The following ZNF292 variants were observed in gnomAD, a reference collection of about 807,000 sequenced individuals.
ZNF292 encodes 16 zinc-finger domain protein.
A neutral mutation model predicts 217.9 loss-of-function variants in ZNF292; 26 were observed. The observed-to-expected ratio is 0.12, with a 90% CI of 0.09 to 0.17. The LOEUF (loss-of-function observed/expected upper bound fraction) is 0.17. Among genes scored for constraint, ZNF292 ranks in the 10% least tolerant of loss-of-function variants. ZNF292 has a pLI of 1.00. For missense variants in ZNF292, 2,904 were observed against 3,175.2 expected, an observed-to-expected ratio of 0.91 and a Z score of 2.05; for synonymous variants, 1,257 against 1,124.1, an observed-to-expected ratio of 1.12 and a Z score of -2.37.
chr6:87,233,211 A>G (rs919414469), intron 4 of ZNF292, 114 bp from the exon 5 acceptor site: 1 of 746,202 alleles, frequency 1.3e-6, no homozygotes, highest in East Asian at 2.8e-5. Context: ...CAATAATAGA[A>G]AATTGAAAAA....
chr6:87,187,045 TTAA>T (rs1771684201), intron 1 of ZNF292, among the ~76,000 whole-genome samples: 1 of 152,218 alleles, frequency 6.6e-6, no homozygotes. Context: ...TTTTTAGTTA[TTAA>T]TATTATATGA....
At position 87,255,043 on chromosome 6, in the gene ZNF292, G is replaced by C; in HGVS notation, c.1414G>C (p.Glu472Gln). 1 of 1,613,678 alleles carries C rather than the reference G, an allele frequency of 6.2e-7. No individual in the cohort carries two copies. Among genetic ancestry groups the C allele is most frequent in the Non-Finnish European group, 8.5e-7 (1 of 1,179,824 alleles). The change falls in exon 8 of 8, where the codon GAA (glutamate) becomes CAA (glutamine). Residue 472 changes from glutamate (E) to glutamine (Q), a missense_variant. Coordinates refer to ENST00000369577, the MANE Select transcript of ZNF292 (RefSeq NM_015021.3). ...AGCATCCATTGTGTCTTCAATAGAT[G>C]AACTAAATGACAGTGAAGTATATGA... is the stretch of plus-strand genomic sequence containing the variant. ...EEASIVSSIDELNDSEVYEKV... is the reference protein window; with the variant it reads ...EEASIVSSIDQLNDSEVYEKV...
intron 1 of ZNF292, among the ~76,000 whole-genome samples, chr6:87,172,473 G>A (rs570723726): frequency 2.2e-4 from 34 of 152,274 alleles, no homozygotes; most frequent in Admixed American, 7.8e-4. Context: ...AGTGAGTGGC[G>A]TGGTTCATTA....
intron 1 of ZNF292, among the ~76,000 whole-genome samples, chr6:87,158,157 A>G (rs1043536966): frequency 9.2e-5 from 14 of 152,250 alleles, no homozygotes; most frequent in African/African-American, 3.4e-4. Context: ...TAATGAAACA[A>G]ATGCTGGATT....
intron 1 of ZNF292, among the ~76,000 whole-genome samples, chr6:87,161,649 C>G (rs567292154): frequency 6.6e-6 from 1 of 152,356 alleles, no homozygotes; most frequent in South Asian, 2.1e-4. Flanking sequence ...CTCCTGTGCT[C>G]AAGCAGTCCT....
rs575770269 is a variant in ZNF292, at chr6:87,233,191, G to A, written c.539-134G>A. On this transcript the variant is annotated intron_variant, in intron 4 of 7. Coordinates refer to ENST00000369577, the MANE Select transcript of ZNF292 (RefSeq NM_015021.3). The stretch of plus-strand genomic sequence containing the variant: ...TTATAAGGTCAAGTCTTTTGTGATA[G>A]CCTTACTAGCAATAATAGAAAATTG... 5.0e-5 allele frequency: 32 copies of A among 636,226 alleles called. No homozygotes were observed. In the South Asian group the frequency reaches 7.3e-4, roughly 14 times the overall value. 39.4% of individuals were successfully genotyped at this position (636,226 alleles called of 1,614,324 possible). A position where few individuals can be genotyped will look rare whatever the true frequency, so the allele number is the denominator to read the frequency against.
At chr6:87,168,627 G>T (rs1770991823) in intron 1 of ZNF292, among the ~76,000 whole-genome samples, 1 of 152,000 alleles carries the variant, frequency 6.6e-6, no homozygotes, top group Non-Finnish European at 1.5e-5. Flanking sequence ...GCACCTCTGT[G>T]CCTGGCTAAT....
At chr6:87,229,714 C>G (rs1427271174) in intron 4 of ZNF292, among the ~76,000 whole-genome samples, 1 of 152,164 alleles carries the variant, frequency 6.6e-6, no homozygotes, top group African/African-American at 2.4e-5. Flanking sequence ...GTGTGAGCCA[C>G]CGTGTCCAGC....
chr6:87,222,026 T>C (rs1232410588), intron 4 of ZNF292, among the ~76,000 whole-genome samples: 1 of 152,206 alleles, frequency 6.6e-6, no homozygotes, highest in Non-Finnish European at 1.5e-5. Flanking sequence ...CTTCTCAATC[T>C]ACGTTTGTAT....
chr6:87,231,936 C>A (rs778069967), intron 4 of ZNF292, among the ~76,000 whole-genome samples: 9 of 152,110 alleles, frequency 5.9e-5, no homozygotes, highest in South Asian at 4.1e-4. Flanking sequence ...TATTTAAAAT[C>A]TTTTGCTTTG....
At chr6:87,247,329 G>A (rs955861256) in intron 7 of ZNF292, among the ~76,000 whole-genome samples, 1 of 151,228 alleles carries the variant, frequency 6.6e-6, no homozygotes, top group Admixed American at 6.6e-5. Context: ...ACTACATGAA[G>A]CTGGAACCTG....
intron 1 of ZNF292, among the ~76,000 whole-genome samples, chr6:87,186,700 T>C (rs532745575): frequency 4.6e-5 from 7 of 152,238 alleles, no homozygotes; most frequent in African/African-American, 1.4e-4. Context: ...GCCGTGATCA[T>C]GCCACAGCAC....
At chr6:87,187,659 G>A (rs1236780726) in intron 1 of ZNF292, among the ~76,000 whole-genome samples, 1 of 144,098 alleles carries the variant, frequency 6.9e-6, no homozygotes, top group Non-Finnish European at 1.5e-5. Context: ...AGGTTGCAGT[G>A]AGCCAAGATT....
intron 6 of ZNF292, among the ~76,000 whole-genome samples, chr6:87,244,331 G>A (rs1774460279): frequency 6.6e-6 from 1 of 152,194 alleles, no homozygotes; most frequent in Non-Finnish European, 1.5e-5. Context: ...GGCTTGGTGT[G>A]AAAGGCAGAA....
At chr6:87,250,474 A>G (rs544068669) in intron 7 of ZNF292, among the ~76,000 whole-genome samples, 8 of 152,292 alleles carry the variant, frequency 5.3e-5, no homozygotes, top group African/African-American at 1.4e-4. Flanking sequence ...AAAAAATTCT[A>G]TAGAGTTCCA....
Position 87,259,244 on chromosome 6 carries a change from C to A in ZNF292, c.5615C>A (p.Thr1872Lys), listed in dbSNP as rs377066214. The A allele has an allele frequency of 1.2e-4, 193 of 1,613,576 alleles. No individual in the cohort carries two copies. The highest frequency in any genetic ancestry group is 1.6e-4 in the Non-Finnish European group (186 of 1,179,714). Residue 1872 changes from threonine (T) to lysine (K), a missense_variant, in exon 8 of 8, where the codon ACG (threonine) becomes AAG (lysine). Transcript: ENST00000369577. ...AATACATCAGTGACACTGACTCCCA[C>A]GCCTGTTAAATCAACTGCAGATATC... is the stretch of plus-strand genomic sequence containing the variant. ...LINTSVTLTPTPVKSTADITV... is the reference protein window; with the variant it reads ...LINTSVTLTPKPVKSTADITV...
In ZNF292 at chr6:87,261,824, T is replaced by A; in HGVS notation, c.*23T>A. The A allele has an allele frequency of 1.4e-6, 2 of 1,388,920 alleles. No individual in the cohort carries two copies. Among genetic ancestry groups the A allele is most frequent in the Non-Finnish European group, 1.9e-6 (2 of 1,038,336 alleles). 86.0% of individuals were successfully genotyped at this position (1,388,920 alleles called of 1,614,324 possible). A position where few individuals can be genotyped will look rare whatever the true frequency, so the allele number is the denominator to read the frequency against. On this transcript the variant is annotated 3_prime_UTR_variant, in exon 8 of 8. Transcript: ENST00000369577. Reference sequence around the variant, plus strand: ...TGATAATTAATGTAGTATAAATACATCATTTACCATTTTATTTTAAATAGG... The same window carrying A: ...TGATAATTAATGTAGTATAAATACAACATTTACCATTTTATTTTAAATAGG...
Position 87,259,917 on chromosome 6 carries a change from G to A in ZNF292, c.6288G>A (p.Lys2096=). 6.2e-7 allele frequency: 1 copy of A among 1,613,502 alleles called. No homozygotes were observed. Among genetic ancestry groups the A allele is most frequent in the Non-Finnish European group, 8.5e-7 (1 of 1,179,632 alleles). The part of the protein sequence containing the change: ...KKEKEEKKRK[K]PVSQSLEFPT... Reference sequence around the variant, plus strand: ...AAAAGGAGGAGAAAAAACGAAAGAAGCCAGTTTCCCAATCCCTTGAGTTTC... The same window carrying A: ...AAAAGGAGGAGAAAAAACGAAAGAAACCAGTTTCCCAATCCCTTGAGTTTC... The change falls in exon 8 of 8, where the codon AAG becomes AAA. Residue 2096 remains lysine (K), a synonymous_variant. Coordinates refer to ENST00000369577, the MANE Select transcript of ZNF292 (RefSeq NM_015021.3).
rs2127783420 is a variant in ZNF292 at position 87,192,320 on chromosome 6, A to G, written c.169-23583A>G. On this transcript the variant is annotated intron_variant, in intron 1 of 7. Transcript: ENST00000369577. ...GCTACTGGAACAATTCTGTTACTTT[A>G]AAAAGTGAATATAAATCTAGATGCA... Among the ~76,000 whole-genome samples, 4 of 152,028 alleles carry G rather than the reference A, an allele frequency of 2.6e-5. No individual in the cohort carries two copies. In the South Asian group the frequency reaches 8.3e-4, roughly 31 times the overall value.
Sources: allele counts gnomAD v4.1 joint callset (sites outside exome capture counted in the v4.1 genomes callset), GRCh38; gene constraint gnomAD v4.1.1; transcripts MANE v1.5; gene names NCBI Gene and HGNC (gene_info 2026-07-23, HGNC 2026-07-21).